Variants in LRP1B observed in about 807,000 individuals in gnomAD.
LRP1B encodes LDL receptor related protein 1B.
Under a neutral mutation model 556.6 loss-of-function variants are expected in LRP1B, and 217 were observed. The ratio of observed to expected loss-of-function variants is 0.39; its 90% confidence interval spans 0.35 to 0.44. The LOEUF is 0.44. Ranked by LOEUF, LRP1B falls within the 20% of genes least tolerant of loss-of-function variation. The probability of loss-of-function intolerance (pLI) is 1.00; values close to 1 mark genes in which losing one functional copy is unlikely to be tolerated. For missense variants in LRP1B, 5,053 were observed against 5,620.8 expected, an observed-to-expected ratio of 0.90 and a Z score of 3.23; for synonymous variants, 2,047 against 1,865.8, an observed-to-expected ratio of 1.10 and a Z score of -2.50.
At chr2:141,377,897 A>G (rs1422026674) in intron 3 of LRP1B, among the ~76,000 whole-genome samples, 2 of 152,190 alleles carry the variant, frequency 1.3e-5, no homozygotes, top group Non-Finnish European at 2.9e-5. Flanking sequence ...AATGCCTCCT[A>G]TATAAAGACA....
chr2:140,438,132 T>G (rs1017351231), intron 66 of LRP1B, among the ~76,000 whole-genome samples: 1 of 152,150 alleles, frequency 6.6e-6, no homozygotes, highest in Admixed American at 6.5e-5. Context: ...CCCTCCAGCC[T>G]CAGCCTCCAG....
At chr2:141,357,557 A>G (rs1261846321) in intron 3 of LRP1B, among the ~76,000 whole-genome samples, 2 of 152,202 alleles carry the variant, frequency 1.3e-5, no homozygotes, top group African/African-American at 4.8e-5. Context: ...ATCAAGAAAT[A>G]ATAATCTAAT....
At chr2:142,071,695 C>G (rs191492459) in intron 1 of LRP1B, among the ~76,000 whole-genome samples, 2 of 151,900 alleles carry the variant, frequency 1.3e-5, no homozygotes, top group African/African-American at 2.4e-5. Context: ...AATATTTTCT[C>G]TCTGGTTCCT....
intron 3 of LRP1B, among the ~76,000 whole-genome samples, chr2:141,397,965 G>A (rs1453762760): frequency 1.3e-5 from 2 of 151,786 alleles, no homozygotes; most frequent in African/African-American, 4.8e-5. Context: ...GTCTAGATGG[G>A]AAAGTATATA....
chr2:140,516,007 C>T (rs1249943587), intron 50 of LRP1B, among the ~76,000 whole-genome samples: 6 of 151,950 alleles, frequency 3.9e-5, no homozygotes, highest in South Asian at 2.1e-4. Flanking sequence ...AAAATCCATA[C>T]ATTTTAGAAA....
At chr2:141,185,470 T>C (rs1252932439) in intron 7 of LRP1B, among the ~76,000 whole-genome samples, 2 of 151,834 alleles carry the variant, frequency 1.3e-5, no homozygotes, top group Admixed American at 6.6e-5. Flanking sequence ...TGCTAAAAAC[T>C]TTTGAAAGGA....
intron 37 of LRP1B, among the ~76,000 whole-genome samples, chr2:140,714,945 T>C (rs1687157977): frequency 6.6e-6 from 1 of 152,098 alleles, no homozygotes; most frequent in Non-Finnish European, 1.5e-5. Flanking sequence ...TATGGGGCCA[T>C]ACAACAATCT....
Position 141,615,489 on chromosome 2 carries a change from G to C in LRP1B, c.206-134956C>G, listed in dbSNP as rs954429394. 1.1e-4 allele frequency among the ~76,000 whole-genome samples: 17 copies of C among 152,170 alleles called. No homozygotes were observed. In the East Asian group the frequency reaches 3.1e-3, roughly 28 times the overall value. On this transcript the variant is annotated intron_variant, in intron 2 of 90. Coordinates refer to ENST00000389484, the MANE Select transcript of LRP1B (RefSeq NM_018557.3). ...AGAAATGAAGGAAACTAATGCATTA[G>C]GCTGAAATTCCTACATTTAGCCCAC...
At chr2:140,531,714 C>A (rs1327156046) in intron 47 of LRP1B, among the ~76,000 whole-genome samples, 3 of 152,074 alleles carry the variant, frequency 2.0e-5, no homozygotes, top group African/African-American at 7.2e-5. Flanking sequence ...TGTCTTCAAC[C>A]AACGTGCTCT....
chr2:140,526,544 C>G (rs191721382), intron 47 of LRP1B, among the ~76,000 whole-genome samples, 194 bp from the exon 48 acceptor site: 3 of 150,692 alleles, frequency 2.0e-5, no homozygotes, highest in African/African-American at 7.4e-5. Flanking sequence ...CCCTATCACA[C>G]AATTCTTCTC....
chr2:141,494,665 G>A (rs558458747), intron 2 of LRP1B, among the ~76,000 whole-genome samples: 2 of 151,038 alleles, frequency 1.3e-5, no homozygotes, highest in African/African-American at 2.4e-5. Flanking sequence ...GGTGACTAGC[G>A]AATCAGCAAA....
At chr2:140,275,635 C>T (rs1249399667) in intron 84 of LRP1B, among the ~76,000 whole-genome samples, 1 of 151,912 alleles carries the variant, frequency 6.6e-6, no homozygotes, top group African/African-American at 2.4e-5. Context: ...TCATGGAACT[C>T]GGAGAGGAAA....
chr2:140,909,940 G>GA (rs1358766037), intron 21 of LRP1B, among the ~76,000 whole-genome samples: 3 of 150,538 alleles, frequency 2.0e-5, no homozygotes, highest in South Asian at 2.1e-4. Flanking sequence ...CAAAAAATCT[G>GA]AAAAAAAGCC....
intron 3 of LRP1B, among the ~76,000 whole-genome samples, chr2:141,305,930 A>G (rs888429608): frequency 6.6e-6 from 1 of 152,198 alleles, no homozygotes; most frequent in Non-Finnish European, 1.5e-5. Context: ...CATAATTGAG[A>G]TAAATCCCAC....
chr2:140,861,493 A>C (rs1238302741), intron 27 of LRP1B, among the ~76,000 whole-genome samples: 2 of 152,194 alleles, frequency 1.3e-5, no homozygotes, highest in African/African-American at 4.8e-5. Context: ...ACAAATACTA[A>C]TGTAGAGAAA....
At chr2:142,093,186 C>T (rs1008304186) in intron 1 of LRP1B, among the ~76,000 whole-genome samples, 9 of 152,110 alleles carry the variant, frequency 5.9e-5, no homozygotes, top group Non-Finnish European at 1.3e-4. Flanking sequence ...TTAAAACTAA[C>T]ATTGTGTAGA....
intron 1 of LRP1B, among the ~76,000 whole-genome samples, chr2:142,073,738 G>T (rs1036522802): frequency 1.3e-5 from 2 of 151,948 alleles, no homozygotes; most frequent in Admixed American, 6.6e-5. Flanking sequence ...GAGGTGATTG[G>T]GTCATGGGCA....
intron 60 of LRP1B, among the ~76,000 whole-genome samples, chr2:140,471,632 C>T (rs566730122): frequency 6.6e-6 from 1 of 152,302 alleles, no homozygotes; most frequent in South Asian, 2.1e-4. Context: ...ATAATCACTT[C>T]AAACATTTTC....
At chr2:140,815,295 C>G (rs1026169563) in intron 31 of LRP1B, among the ~76,000 whole-genome samples, 2 of 151,220 alleles carry the variant, frequency 1.3e-5, no homozygotes, top group African/African-American at 2.4e-5. Context: ...GCATTTATCT[C>G]TATGGATTAG....
Sources: gnomAD v4.1 joint callset for allele counts (sites outside exome capture counted in the v4.1 genomes callset) on GRCh38, gnomAD v4.1.1 for gene constraint, MANE v1.5 for transcripts, NCBI Gene and HGNC (gene_info 2026-07-23, HGNC 2026-07-21) for gene names.